The following SHOC1 variants were observed in gnomAD, a reference collection of about 807,000 sequenced individuals.
The protein encoded by SHOC1 is protein shortage in chiasmata 1 ortholog.
In SHOC1, 136 loss-of-function variants were observed where a neutral mutation model predicts 179.2. The observed-to-expected ratio is 0.76, with a 90% CI of 0.66 to 0.87. The LOEUF is 0.87. SHOC1 is among the 40% of genes least tolerant of loss of function. The probability of loss-of-function intolerance (pLI) is 0.00; values close to 1 mark genes in which losing one functional copy is unlikely to be tolerated. For missense variants in SHOC1, 1,538 were observed against 1,700.8 expected, an observed-to-expected ratio of 0.90 and a Z score of 1.68; for synonymous variants, 489 against 586.6, an observed-to-expected ratio of 0.83 and a Z score of 2.41.
At chr9:111,783,968 G>T (rs894537473) in intron 3 of SHOC1, among the ~76,000 whole-genome samples, 3 of 151,652 alleles carry the variant, frequency 2.0e-5, no homozygotes, top group African/African-American at 4.8e-5. Context: ...ATCAAAGGAC[G>T]TGCTAGGCTA....
chr9:111,757,133 A>G (rs893118169), intron 7 of SHOC1, among the ~76,000 whole-genome samples: 1 of 152,128 alleles, frequency 6.6e-6, no homozygotes, highest in Non-Finnish European at 1.5e-5. Context: ...TTTGAGATGG[A>G]GTCTCGCTCT....
At chr9:111,744,472 T>C (rs1834178679) in intron 10 of SHOC1, among the ~76,000 whole-genome samples, 2 of 152,184 alleles carry the variant, frequency 1.3e-5, no homozygotes, top group African/African-American at 4.8e-5. Flanking sequence ...AGTCTTATGC[T>C]TTGACACTTT....
At chr9:111,770,300 G>A (rs1262017941) in intron 5 of SHOC1, among the ~76,000 whole-genome samples, 1 of 151,938 alleles carries the variant, frequency 6.6e-6, no homozygotes, top group Non-Finnish European at 1.5e-5. Context: ...AGACCATGTT[G>A]TATAATTTCC....
At chr9:111,697,428 G>A (rs950630742) in intron 24 of SHOC1, among the ~76,000 whole-genome samples, 3 of 152,102 alleles carry the variant, frequency 2.0e-5, no homozygotes, top group African/African-American at 7.2e-5. Context: ...ACCTATGAGT[G>A]AGAACATGCA....
chr9:111,723,037 C>A (rs1470078121), intron 14 of SHOC1, among the ~76,000 whole-genome samples: 5 of 152,152 alleles, frequency 3.3e-5, no homozygotes, highest in Admixed American at 3.3e-4. Context: ...ACCTCGGCCT[C>A]CCAAAGTGCT....
At chr9:111,719,102 C>A (rs951143779) in intron 15 of SHOC1, among the ~76,000 whole-genome samples, 1 of 151,980 alleles carries the variant, frequency 6.6e-6, no homozygotes, top group African/African-American at 2.4e-5. Context: ...TATATTCAGC[C>A]CCTAGAAGGA....
intron 2 of SHOC1, among the ~76,000 whole-genome samples, chr9:111,789,746 C>T (rs1393884303): frequency 1.3e-5 from 2 of 151,850 alleles, no homozygotes; most frequent in Non-Finnish European, 2.9e-5. Flanking sequence ...ACCAAAATAT[C>T]GTGGGCAAAA....
chr9:111,727,263 T>C (rs1833334931), intron 13 of SHOC1, among the ~76,000 whole-genome samples: 3 of 152,124 alleles, frequency 2.0e-5, no homozygotes, highest in Admixed American at 2.0e-4. Flanking sequence ...AAATATAATT[T>C]AAAATACTGA....
In SHOC1 at chr9:111,717,907, A is replaced by G. The variant is rs116533160; in HGVS notation, c.2236+277T>C. On this transcript the variant is annotated intron_variant, in intron 16 of 27. Coordinates refer to ENST00000682961, the MANE Select transcript of SHOC1 (RefSeq NM_001378211.1). ...CAAATCTCACATTAAAAAGTCATGC[A>G]TGATAATGATTATACAATCAAATCT... is the stretch of plus-strand genomic sequence containing the variant. Among the ~76,000 whole-genome samples the G allele has an allele frequency of 8.7e-3, 1,327 of 152,358 alleles. 22 individuals carry two copies. The highest frequency in any genetic ancestry group is 0.03 in the African/African-American group (1,258 of 41,586).
At chr9:111,687,395 G>A (rs919376433) in intron 27 of SHOC1, among the ~76,000 whole-genome samples, 6 of 151,998 alleles carry the variant, frequency 3.9e-5, no homozygotes, top group Non-Finnish European at 7.4e-5. Flanking sequence ...CTAATGGCCC[G>A]GTATTAAAAA....
At chr9:111,736,395 C>T (rs372105624) in intron 12 of SHOC1, among the ~76,000 whole-genome samples, 3 of 152,208 alleles carry the variant, frequency 2.0e-5, no homozygotes, top group East Asian at 1.9e-4. Context: ...GAAGAGAGAA[C>T]CTAGAATTAA....
chr9:111,745,842 A>G (rs1834251296), intron 10 of SHOC1, among the ~76,000 whole-genome samples: 1 of 152,242 alleles, frequency 6.6e-6, no homozygotes, highest in South Asian at 2.1e-4. Context: ...TCCAGTGGCA[A>G]TGTCCTAAGC....
intron 4 of SHOC1, among the ~76,000 whole-genome samples, chr9:111,777,882 T>C (rs1835892938): frequency 6.6e-6 from 1 of 152,210 alleles, no homozygotes; most frequent in African/African-American, 2.4e-5. Context: ...GAATTTATCC[T>C]TTACTCTAAG....
intron 8 of SHOC1, among the ~76,000 whole-genome samples, chr9:111,752,500 C>T (rs1386594437): frequency 1.3e-5 from 2 of 152,174 alleles, no homozygotes; most frequent in Non-Finnish European, 2.9e-5. Context: ...ACTACAGTTT[C>T]TGTAATGTAT....
At position 111,705,441 on chromosome 9, in the gene SHOC1, C is replaced by A. The variant is rs532880911; in HGVS notation, c.2738-77G>T. The A allele has an allele frequency of 1.8e-5, 11 of 606,552 alleles. No homozygotes were observed. In the African/African-American group the frequency reaches 2.2e-4, roughly 12 times the overall value. 37.6% of individuals were successfully genotyped at this position (606,552 alleles called of 1,614,324 possible). A position where few individuals can be genotyped will look rare whatever the true frequency, so the allele number is the denominator to read the frequency against. On this transcript the variant is annotated intron_variant, in intron 20 of 27. Transcript: ENST00000682961. ...TCTTTCTCTTTTTTTTTTTACTAAA[C>A]ATGAGGATAAGTAGGAGTAGTATAA...
Position 111,758,074 on chromosome 9 carries a change from G to A in SHOC1, c.708+10C>T, listed in dbSNP as rs755744697. The A allele has an allele frequency of 1.5e-6, 2 of 1,342,318 alleles. No individual in the cohort carries two copies. The highest frequency in any genetic ancestry group is 4.4e-5 in the Admixed American group (2 of 45,004). The allele number at this position is 1,342,318 out of a possible 1,614,324, so 83.2% of individuals were successfully genotyped here. A position where few individuals can be genotyped will look rare whatever the true frequency, so the allele number is the denominator to read the frequency against. On this transcript the variant is annotated intron_variant, in intron 7 of 27. Transcript: ENST00000682961. ...TTTACTAAAATATTATTGAAAGCCAGTATTACAACCTCATTTAAACATATT... is the reference window on the plus strand; with the variant it reads ...TTTACTAAAATATTATTGAAAGCCAATATTACAACCTCATTTAAACATATT...
intron 12 of SHOC1, among the ~76,000 whole-genome samples, chr9:111,736,429 A>C (rs1397547795): frequency 6.6e-6 from 1 of 152,186 alleles, no homozygotes; most frequent in Non-Finnish European, 1.5e-5. Flanking sequence ...CAGCCATCAG[A>C]TCTTCAACAA....
chr9:111,691,542 T>C lies in SHOC1; in HGVS notation c.4426+9A>G, dbSNP rs1231175855. On this transcript the variant is annotated intron_variant, in intron 27 of 27. Transcript: ENST00000682961. ...GAGAGTAGTTTTATCAACTATTGGATAGTGTTACCTGTTAATGATTCCTTG... is the reference window on the plus strand; with the variant it reads ...GAGAGTAGTTTTATCAACTATTGGACAGTGTTACCTGTTAATGATTCCTTG... 25 of 1,589,526 alleles carry C rather than the reference T, an allele frequency of 1.6e-5. No individual in the cohort carries two copies. Among genetic ancestry groups the C allele is most frequent in the Non-Finnish European group, 2.1e-5 (24 of 1,168,592 alleles).
chr9:111,740,850 G>GT (rs1834002125), intron 11 of SHOC1, among the ~76,000 whole-genome samples: 1 of 152,218 alleles, frequency 6.6e-6, no homozygotes, highest in African/African-American at 2.4e-5. Flanking sequence ...GGGATTACAA[G>GT]TGTGAGCCAC....
Sources: gnomAD v4.1 joint callset for allele counts (sites outside exome capture counted in the v4.1 genomes callset) on GRCh38, gnomAD v4.1.1 for gene constraint, MANE v1.5 for transcripts, NCBI Gene and HGNC (gene_info 2026-07-23, HGNC 2026-07-21) for gene names.